ASCC3: variants seen among roughly 807,000 people sequenced by gnomAD.
The protein encoded by ASCC3 is activating signal cointegrator 1 complex subunit 3.
ASCC3 carries 158 observed loss-of-function variants against 256.3 expected under a neutral mutation model. The ratio of observed to expected loss-of-function variants is 0.62; its 90% CI spans 0.54 to 0.70. The LOEUF is 0.70. Ranked by LOEUF, ASCC3 falls within the 30% of genes least tolerant of loss-of-function variation. The probability of loss-of-function intolerance (pLI) is 0.00; values close to 1 mark genes in which losing one functional copy is unlikely to be tolerated. For missense variants in ASCC3, 2,259 were observed against 2,626.0 expected (o/e 0.86, Z 3.05); for synonymous variants, 948 against 883.4 (o/e 1.07, Z -1.30).
chr6:100,808,228 C>A (rs532580692), intron 4 of ASCC3, among the ~76,000 whole-genome samples: 1 of 151,666 alleles, frequency 6.6e-6, no homozygotes, highest in Non-Finnish European at 1.5e-5. Flanking sequence ...TTGCATAACT[C>A]ACTCAATCAA....
intron 1 of ASCC3, among the ~76,000 whole-genome samples, chr6:100,871,254 C>T (rs1322094824): frequency 2.6e-5 from 4 of 152,084 alleles, no homozygotes; most frequent in African/African-American, 9.7e-5. Context: ...CACCACCACG[C>T]CCGGCTAATT....
chr6:100,636,630 G>A (rs974324033), intron 25 of ASCC3, among the ~76,000 whole-genome samples: 4 of 152,178 alleles, frequency 2.6e-5, no homozygotes, highest in African/African-American at 9.7e-5. Context: ...CAAAAAGCTA[G>A]GCCTCTTAAT....
intron 36 of ASCC3, among the ~76,000 whole-genome samples, chr6:100,568,752 A>AATT (rs111974347): frequency 0.12 from 16,816 of 139,462 alleles, 1,080 homozygotes; most frequent in Admixed American, 0.2. Flanking sequence ...CTTAGTCATA[A>AATT]ATTATTATTA....
chr6:100,527,348 G>C (rs1419222490), intron 37 of ASCC3, among the ~76,000 whole-genome samples: 1 of 152,160 alleles, frequency 6.6e-6, no homozygotes, highest in Admixed American at 6.5e-5. Flanking sequence ...TTAAAAATTT[G>C]AAAAGATTCT....
Position 100,662,421 on chromosome 6 carries a change from C to G in ASCC3, c.2402G>C (p.Gly801Ala). ...TGTACACACTAGGACTTTGATATGC[C>G]CATTAGAAAACAAGTTTTCAACTAA... ...RNLVENLFSNGHIKVLVCTAT... is the reference protein window; with the variant it reads ...RNLVENLFSNAHIKVLVCTAT... The change falls in exon 15 of 42, where the codon GGG (glycine) becomes GCG (alanine). Residue 801 changes from glycine to alanine, a missense_variant. Gly to Ala is a moderately conservative substitution (Grantham distance 60). Around this residue, in one of 2 missense-constraint regions of ASCC3, gnomAD observed 1,839 missense variants for 2,206.7 expected, o/e 0.83. Coordinates refer to ENST00000369162, the MANE Select transcript of ASCC3 (RefSeq NM_006828.4). 6.2e-7 allele frequency: 1 copy of G among 1,613,270 alleles called. No individual in the cohort carries two copies. The highest frequency in any genetic ancestry group is 8.5e-7 in the Non-Finnish European group (1 of 1,179,502).
chr6:100,879,722 A>G (rs1769192449), intron 1 of ASCC3, among the ~76,000 whole-genome samples: 1 of 152,194 alleles, frequency 6.6e-6, no homozygotes, highest in Non-Finnish European at 1.5e-5. Context: ...TTATATTTAA[A>G]CAAGCTTTGA....
intron 36 of ASCC3, among the ~76,000 whole-genome samples, chr6:100,561,573 A>G (rs1044442676): frequency 1.3e-5 from 2 of 152,068 alleles, no homozygotes; most frequent in Non-Finnish European, 2.9e-5. Context: ...TTTTAGCTGC[A>G]TTCACAGGTT....
chr6:100,581,352 A>G (rs1162673205), intron 36 of ASCC3, among the ~76,000 whole-genome samples: 1 of 151,758 alleles, frequency 6.6e-6, no homozygotes, highest in Admixed American at 6.6e-5. Flanking sequence ...GCATTTTTTC[A>G]TGTGTTTTTT....
intron 4 of ASCC3, 177 bp downstream of exon 4, chr6:100,847,971 T>G (rs945807886): frequency 3.5e-6 from 2 of 572,022 alleles, no homozygotes; most frequent in Non-Finnish European, 5.8e-6. Flanking sequence ...TCAGACCTCC[T>G]GTAACTATCC....
At chr6:100,661,295 G>T (rs968934623) in intron 16 of ASCC3, among the ~76,000 whole-genome samples, 12 of 140,024 alleles carry the variant, frequency 8.6e-5, no homozygotes, top group African/African-American at 3.0e-4. Flanking sequence ...GGCTTCCAGG[G>T]TCTGCTATGT....
intron 10 of ASCC3, among the ~76,000 whole-genome samples, chr6:100,741,054 G>A (rs1780412448): frequency 6.6e-6 from 1 of 152,196 alleles, no homozygotes. Flanking sequence ...CTTTCTTCAA[G>A]AGTTCTTGCA....
At chr6:100,742,751 T>C (rs1268267492) in intron 10 of ASCC3, among the ~76,000 whole-genome samples, 1 of 152,204 alleles carries the variant, frequency 6.6e-6, no homozygotes, top group Non-Finnish European at 1.5e-5. Flanking sequence ...TTGACCAAAC[T>C]GCAGAGAAGG....
chr6:100,696,213 A>T (rs1472639771), intron 13 of ASCC3, among the ~76,000 whole-genome samples: 1 of 152,118 alleles, frequency 6.6e-6, no homozygotes, highest in Non-Finnish European at 1.5e-5. Context: ...TTTTCTTTCC[A>T]TCCCCTCTCA....
rs1776239124 is a variant in ASCC3 at position 100,661,864 on chromosome 6, T to C, written c.2645A>G (p.Gln882Arg). Residue 882 changes from glutamine (Q) to arginine (R), a missense_variant, in exon 16 of 42, where the codon CAA becomes CGA. By Grantham distance (43) the Gln-to-Arg change is conservative. Transcript: ENST00000369162. ...AAACTGACTCTCAATTGGGTTTCGT[T>C]GAGTGAGCAAAGTGAGGTAATGGCT... ...KLSHYLTLLTQRNPIESQFLE... is the reference protein window; with the variant it reads ...KLSHYLTLLTRRNPIESQFLE... The C allele has an allele frequency of 3.1e-6, 5 of 1,613,374 alleles. No individual in the cohort carries two copies. Among genetic ancestry groups the C allele is most frequent in the Non-Finnish European group, 3.4e-6 (4 of 1,179,468 alleles).
chr6:100,812,474 T>C (rs569831883), intron 4 of ASCC3, among the ~76,000 whole-genome samples: 1 of 150,750 alleles, frequency 6.6e-6, no homozygotes, highest in African/African-American at 2.4e-5. Flanking sequence ...CCAAATGAAA[T>C]AGGAAACTGA....
chr6:100,863,126 AGAACTATAATAGT>A (rs1773306267), intron 3 of ASCC3, among the ~76,000 whole-genome samples: 1 of 152,234 alleles, frequency 6.6e-6, no homozygotes, highest in Admixed American at 6.5e-5. Context: ...TGGAAAATCT[AGAACTATAATAGT>A]GTTAATTATG....
intron 13 of ASCC3, among the ~76,000 whole-genome samples, chr6:100,685,308 T>G (rs145316683): frequency 1.0e-3 from 152 of 152,280 alleles, no homozygotes; most frequent in Middle Eastern, 3.4e-3. Context: ...CCTGGCAGTT[T>G]ATGTTTTCAT....
At chr6:100,589,173 G>T (rs1771859166) in intron 36 of ASCC3, among the ~76,000 whole-genome samples, 1 of 152,122 alleles carries the variant, frequency 6.6e-6, no homozygotes, top group African/African-American at 2.4e-5. Context: ...AAGGGTGTTT[G>T]TGGGGATGGG....
intron 3 of ASCC3, among the ~76,000 whole-genome samples, chr6:100,855,110 C>CTTTTT (rs66722196): frequency 6.8e-6 from 1 of 147,882 alleles, no homozygotes; most frequent in Non-Finnish European, 1.5e-5. Flanking sequence ...TGTCAAGAAC[C>CTTTTT]TTTTTTTTTT....
Sources: allele counts gnomAD v4.1 joint callset (sites outside exome capture counted in the v4.1 genomes callset), GRCh38; gene constraint gnomAD v4.1.1; regional missense constraint gnomAD v4.1.1; transcripts MANE v1.5; gene names NCBI Gene and HGNC (gene_info 2026-07-23, HGNC 2026-07-21).